PRTG: variants seen among roughly 807,000 people sequenced by gnomAD.
PRTG encodes the protein immunoglobulin superfamily, DCC subclass, member 5.
PRTG carries 67 observed loss-of-function variants against 122.5 expected under a neutral mutation model. The observed-to-expected ratio is 0.55, with a 90% CI of 0.45 to 0.67. PRTG has a LOEUF of 0.67. PRTG is among the 30% of genes least tolerant of loss of function. The probability of loss-of-function intolerance (pLI) is 0.00; values close to 1 mark genes in which losing one functional copy is unlikely to be tolerated. For synonymous variants in PRTG, 554 were observed against 501.1 expected (o/e 1.11, Z -1.41); for missense variants, 1,435 against 1,415.4 (o/e 1.01, Z -0.22).
chr15:55,640,417 T>C (rs1317472136), intron 12 of PRTG, among the ~76,000 whole-genome samples: 1 of 152,174 alleles, frequency 6.6e-6, no homozygotes, highest in African/African-American at 2.4e-5. Flanking sequence ...TGTGCGTGAC[T>C]ATATTACTGA....
chr15:55,701,078 A>G (rs1292657481), intron 2 of PRTG, among the ~76,000 whole-genome samples: 1 of 152,212 alleles, frequency 6.6e-6, no homozygotes, highest in African/African-American at 2.4e-5. Context: ...AGATGTCACT[A>G]CACACCTGTT....
At chr15:55,678,580 A>C (rs1468092402) in intron 7 of PRTG, among the ~76,000 whole-genome samples, 1 of 152,192 alleles carries the variant, frequency 6.6e-6, no homozygotes, top group Non-Finnish European at 1.5e-5. Context: ...AGTTACTGAA[A>C]ACAAAACAAA....
intron 2 of PRTG, among the ~76,000 whole-genome samples, chr15:55,714,531 T>A (rs905593347): frequency 3.3e-5 from 5 of 151,978 alleles, no homozygotes; most frequent in African/African-American, 1.2e-4. Flanking sequence ...AAGCCTGGCA[T>A]CCTTATCCCC....
intron 2 of PRTG, among the ~76,000 whole-genome samples, chr15:55,705,152 G>T (rs879334614): frequency 6.6e-6 from 1 of 152,074 alleles, no homozygotes; most frequent in Non-Finnish European, 1.5e-5. Context: ...GAAGTCAAAT[G>T]GTGCTTTAAA....
At chr15:55,700,379 C>G (rs1401530769) in intron 2 of PRTG, among the ~76,000 whole-genome samples, 1 of 152,038 alleles carries the variant, frequency 6.6e-6, no homozygotes, top group Non-Finnish European at 1.5e-5. Flanking sequence ...TAGAAGAAAA[C>G]AGAAAAATCT....
intron 2 of PRTG, among the ~76,000 whole-genome samples, chr15:55,726,408 T>C (rs1595679923): frequency 1.3e-5 from 2 of 151,768 alleles, no homozygotes; most frequent in Admixed American, 6.6e-5. Context: ...AAGACGCAAA[T>C]AGATAGAATG....
intron 2 of PRTG, among the ~76,000 whole-genome samples, chr15:55,695,843 T>C (rs1555434445): frequency 6.6e-6 from 1 of 152,196 alleles, no homozygotes; most frequent in Non-Finnish European, 1.5e-5. Context: ...TGGTGGTTCA[T>C]ACCTGTAGTC....
At position 55,679,292 on chromosome 15, in the gene PRTG, T is replaced by C; in HGVS notation, c.1127A>G (p.Tyr376Cys). 1.9e-6 allele frequency: 3 copies of C among 1,610,672 alleles called. No individual in the cohort carries two copies. Among genetic ancestry groups the C allele is most frequent in the Non-Finnish European group, 1.7e-6 (2 of 1,177,096 alleles). Residue 376 changes from tyrosine (Y) to cysteine (C), a missense_variant, in exon 7 of 20, where the codon TAC becomes TGC. Coordinates refer to ENST00000389286, the MANE Select transcript of PRTG (RefSeq NM_173814.6). ...KIHSNGRIKM[Y>C]NSKLVINQII... Reference sequence around the variant, plus strand: ...GCAAAGTTACACAGCCTACCTGTTGTACATTTTAATTCTACCATTCGAATG... The same window carrying C: ...GCAAAGTTACACAGCCTACCTGTTGCACATTTTAATTCTACCATTCGAATG...
intron 11 of PRTG, among the ~76,000 whole-genome samples, chr15:55,662,787 T>C (rs2059417184): frequency 6.6e-6 from 1 of 152,218 alleles, no homozygotes; most frequent in South Asian, 2.1e-4. Context: ...CCTAACTTCT[T>C]TTGTTTCACA....
intron 2 of PRTG, among the ~76,000 whole-genome samples, chr15:55,692,425 G>A (rs1423366257): frequency 3.3e-5 from 5 of 152,284 alleles, no homozygotes; most frequent in Admixed American, 6.5e-5. Context: ...AGGGGAGACC[G>A]AGGAAAGGAT....
intron 2 of PRTG, among the ~76,000 whole-genome samples, chr15:55,688,527 T>G (rs2059582945): frequency 2.0e-5 from 3 of 152,276 alleles, no homozygotes; most frequent in Admixed American, 2.0e-4. Flanking sequence ...CTGGACATCT[T>G]CGCCTGGAGT....
chr15:55,685,673 A>C (rs115787487), intron 2 of PRTG, among the ~76,000 whole-genome samples: 2 of 152,298 alleles, frequency 1.3e-5, no homozygotes, highest in Non-Finnish European at 2.9e-5. Flanking sequence ...TTAATATGTG[A>C]TGCATAAATG....
At chr15:55,657,885 A>G (rs1024841753) in intron 11 of PRTG, among the ~76,000 whole-genome samples, 1 of 152,228 alleles carries the variant, frequency 6.6e-6, no homozygotes, top group Non-Finnish European at 1.5e-5. Flanking sequence ...GTTATGAAAC[A>G]TTTATAAAAT....
In PRTG at chr15:55,618,028, G is replaced by A. The variant is rs1373540964; in HGVS notation, c.*1984C>T. ...ACTAGAATAACTTTAAAAGGAGGTA[G>A]TATAAAACAGGAGCTATAAAGGCAG... On this transcript the variant is annotated 3_prime_UTR_variant, in exon 20 of 20. Transcript: ENST00000389286. 1 of 152,158 alleles carries A rather than the reference G, an allele frequency of 6.6e-6. No homozygotes were observed. The highest frequency in any genetic ancestry group is 1.5e-5 in the Non-Finnish European group (1 of 68,032). The allele number at this position is 152,158 out of a possible 1,614,324, so 9.4% of individuals were successfully genotyped here.
At chr15:55,692,936 G>A (rs1295307131) in intron 2 of PRTG, among the ~76,000 whole-genome samples, 6 of 149,892 alleles carry the variant, frequency 4.0e-5, no homozygotes, top group Non-Finnish European at 7.4e-5. Flanking sequence ...TGTCTCCCGG[G>A]TTCAAGCAAT....
At chr15:55,732,289 A>AGGG (rs1182273986) in intron 2 of PRTG, among the ~76,000 whole-genome samples, 1 of 151,854 alleles carries the variant, frequency 6.6e-6, no homozygotes. Flanking sequence ...CCTGGGTTCA[A>AGGG]ATCTCCTGCC....
intron 2 of PRTG, among the ~76,000 whole-genome samples, chr15:55,707,985 T>A (rs550925822): frequency 6.6e-6 from 1 of 151,844 alleles, no homozygotes; most frequent in Non-Finnish European, 1.5e-5. Context: ...TGAAAAATAT[T>A]TGGAAATACA....
intron 11 of PRTG, among the ~76,000 whole-genome samples, chr15:55,642,406 C>A (rs962940194): frequency 6.6e-6 from 1 of 151,716 alleles, no homozygotes; most frequent in Admixed American, 6.6e-5. Flanking sequence ...CACCCGAGGT[C>A]GGGAGTTCGA....
intron 2 of PRTG, among the ~76,000 whole-genome samples, chr15:55,696,153 A>C (rs1020238762): frequency 6.6e-6 from 1 of 151,890 alleles, no homozygotes; most frequent in African/African-American, 2.4e-5. Flanking sequence ...GGTCCTAGCT[A>C]TTTGGGAGGC....
Sources: allele counts gnomAD v4.1 joint callset (sites outside exome capture counted in the v4.1 genomes callset), GRCh38; gene constraint gnomAD v4.1.1; transcripts MANE v1.5; gene names NCBI Gene and HGNC (gene_info 2026-07-23, HGNC 2026-07-21).